Variants in GPR139 observed in about 807,000 individuals in gnomAD.
GPR139 encodes G protein-coupled receptor 139.
In GPR139, 12 loss-of-function variants were observed where a neutral mutation model predicts 25.8. That is an observed-to-expected ratio of 0.47 (90% CI 0.30 to 0.75). The LOEUF is 0.75. Ranked by LOEUF, GPR139 falls within the 30% of genes least tolerant of loss-of-function variation. GPR139 has a pLI of 0.07. For synonymous variants in GPR139, 184 were observed against 179.9 expected, an observed-to-expected ratio of 1.02 and a Z score of -0.18; for missense variants, 380 against 450.2, an observed-to-expected ratio of 0.84 and a Z score of 1.41.
At chr16:20,067,353 G>A (rs528248498) in intron 1 of GPR139, among the ~76,000 whole-genome samples, 17 of 152,142 alleles carry the variant, frequency 1.1e-4, no homozygotes, top group African/African-American at 4.1e-4. Context: ...ATAATAACTC[G>A]GCCAAGGTCA....
At position 20,058,948 on chromosome 16, in the gene GPR139, G is replaced by A. The variant is rs139415540; in HGVS notation, c.127+14542C>T. On this transcript the variant is annotated intron_variant, in intron 1 of 1. Transcript: ENST00000570682. ...CAGCCCTCGAGAGCCCGGCACAGAC[G>A]TCCTTGGTGTCTGAGAACATCATTA... Among the ~76,000 whole-genome samples the A allele has an allele frequency of 2.0e-3, 306 of 152,284 alleles. 3 individuals carry two copies. Among genetic ancestry groups the A allele is most frequent in the African/African-American group, 7.0e-3 (292 of 41,566 alleles).
At chr16:20,037,001 A>G (rs904716206) in intron 1 of GPR139, among the ~76,000 whole-genome samples, 2 of 152,200 alleles carry the variant, frequency 1.3e-5, no homozygotes, top group African/African-American at 2.4e-5. Context: ...CATGGAGTTT[A>G]TAGTATAATG....
chr16:20,051,109 A>G (rs2057370415), intron 1 of GPR139, among the ~76,000 whole-genome samples: 1 of 152,058 alleles, frequency 6.6e-6, no homozygotes, highest in Non-Finnish European at 1.5e-5. Context: ...TAAAGAAAGA[A>G]ACTTATTATT....
chr16:20,038,105 AC>A (rs1220821266), intron 1 of GPR139, among the ~76,000 whole-genome samples: 2 of 151,552 alleles, frequency 1.3e-5, no homozygotes, highest in African/African-American at 4.9e-5. Flanking sequence ...CAAGTGATCC[AC>A]CAGCCTCAGC....
intron 1 of GPR139, among the ~76,000 whole-genome samples, chr16:20,051,658 T>A (rs576204833): frequency 6.6e-6 from 1 of 152,256 alleles, no homozygotes; most frequent in East Asian, 1.9e-4. Flanking sequence ...TATATGGAAA[T>A]GGAAATGGTT....
chr16:20,067,478 G>A (rs1274371265), intron 1 of GPR139, among the ~76,000 whole-genome samples: 2 of 152,274 alleles, frequency 1.3e-5, no homozygotes, highest in Non-Finnish European at 2.9e-5. Flanking sequence ...AGTATACAAA[G>A]GTCAATTAGG....
chr16:20,072,823 C>A (rs2057464444), intron 1 of GPR139, among the ~76,000 whole-genome samples: 2 of 152,182 alleles, frequency 1.3e-5, no homozygotes, highest in Admixed American at 1.3e-4. Context: ...GACTGTGACC[C>A]CCTGAGGTGG....
intron 1 of GPR139, among the ~76,000 whole-genome samples, chr16:20,051,125 C>T (rs1195690838): frequency 1.3e-5 from 2 of 151,848 alleles, no homozygotes; most frequent in East Asian, 3.9e-4. Flanking sequence ...TTATTTTTCC[C>T]CCAAACCACA....
rs1386593301 is a variant in GPR139, at chr16:20,029,608, A to G, written c.*2127T>C. Among the ~76,000 whole-genome samples the G allele has an allele frequency of 6.6e-6, 1 of 152,110 alleles. No individual in the cohort carries two copies. Among genetic ancestry groups the G allele is most frequent in the Non-Finnish European group, 1.5e-5 (1 of 68,020 alleles). On this transcript the variant is annotated 3_prime_UTR_variant, in exon 2 of 2. Coordinates refer to ENST00000570682, the MANE Select transcript of GPR139 (RefSeq NM_001002911.4). Reference sequence around the variant, plus strand: ...ACATGTTCAATTACACGTGCTTGGCAAAAAAGAGACAGAGAGAAATGCAAT... The same window carrying G: ...ACATGTTCAATTACACGTGCTTGGCGAAAAAGAGACAGAGAGAAATGCAAT...
At position 20,028,759 on chromosome 16, in the gene GPR139, G is replaced by A. The variant is rs148402710; in HGVS notation, c.*2976C>T. ...ATAAAAAGACACAGCATGGTGGTGC[G>A]TATCATCATTGCAATGTCCAACCAA... On this transcript the variant is annotated 3_prime_UTR_variant, in exon 2 of 2. Coordinates refer to ENST00000570682, the MANE Select transcript of GPR139 (RefSeq NM_001002911.4). Among the ~76,000 whole-genome samples, 806 of 152,244 alleles carry A rather than the reference G, an allele frequency of 5.3e-3. 5 individuals carry two copies. Among genetic ancestry groups the A allele is most frequent in the South Asian group, 7.9e-3 (38 of 4,822 alleles).
chr16:20,044,200 T>C (rs1034437945), intron 1 of GPR139, among the ~76,000 whole-genome samples: 11 of 152,326 alleles, frequency 7.2e-5, no homozygotes, highest in African/African-American at 2.4e-4. Flanking sequence ...AAAGGCTCAA[T>C]GAGAGGGAAG....
rs2057283521 is a variant in GPR139 at position 20,030,417 on chromosome 16, C to T, written c.*1318G>A. On this transcript the variant is annotated 3_prime_UTR_variant, in exon 2 of 2. Transcript: ENST00000570682. Reference sequence around the variant, plus strand: ...AAGAAAAAAGAAACACTAAATAAGACGAATATAATCATGTGTGTGTGTGTG... The same window carrying T: ...AAGAAAAAAGAAACACTAAATAAGATGAATATAATCATGTGTGTGTGTGTG... Among the ~76,000 whole-genome samples the T allele has an allele frequency of 9.3e-6, 1 of 107,544 alleles. No homozygotes were observed. 70.6% of individuals were successfully genotyped at this position (107,544 alleles called of 152,430 possible).
intron 1 of GPR139, among the ~76,000 whole-genome samples, chr16:20,063,025 A>G (rs1028088592): frequency 2.6e-5 from 4 of 152,234 alleles, no homozygotes; most frequent in South Asian, 2.1e-4. Context: ...CCAAGTATAC[A>G]GTTATTTTCT....
At chr16:20,058,076 A>G (rs549869629) in intron 1 of GPR139, among the ~76,000 whole-genome samples, 1 of 152,344 alleles carries the variant, frequency 6.6e-6, no homozygotes, top group Admixed American at 6.5e-5. Flanking sequence ...TTTTTAAAAA[A>G]GGAACTCTTC....
intron 1 of GPR139, among the ~76,000 whole-genome samples, chr16:20,055,527 A>G (rs899466532): frequency 6.6e-6 from 1 of 152,204 alleles, no homozygotes; most frequent in Admixed American, 6.5e-5. Flanking sequence ...AGTCCACCCG[A>G]TGGAGAATTA....
chr16:20,032,803 A>G (rs764037060), intron 1 of GPR139, 134 bp from the exon 2 acceptor site: 8 of 627,330 alleles, frequency 1.3e-5, no homozygotes, highest in Non-Finnish European at 2.2e-5. Flanking sequence ...TTTGAGGGAC[A>G]ACCTCAGCAT....
intron 1 of GPR139, chr16:20,070,876 G>T: frequency 1.2e-6 from 1 of 863,698 alleles, no homozygotes; most frequent in Non-Finnish European, 1.4e-6. Context: ...GGGAGGTGAT[G>T]GGTGGGGACC....
Position 20,032,284 on chromosome 16 carries a change from A to G in GPR139, c.513T>C (p.Thr171=), listed in dbSNP as rs141137866. 2 of 1,614,118 alleles carry G rather than the reference A, an allele frequency of 1.2e-6. No individual in the cohort carries two copies. The highest frequency in any genetic ancestry group is 1.7e-6 in the Non-Finnish European group (2 of 1,180,044). The part of the protein sequence containing the change: ...IPYYWWPNIW[T]EDYISTSVHH... Reference sequence around the variant, plus strand: ...GCACAGAGGTGCTGATGTAGTCTTCAGTCCAGATGTTGGGCCACCAGTAAT... The same window carrying G: ...GCACAGAGGTGCTGATGTAGTCTTCGGTCCAGATGTTGGGCCACCAGTAAT... Residue 171 remains threonine, a synonymous_variant, in exon 2 of 2, where the codon ACT becomes ACC. Transcript: ENST00000570682.
At position 20,073,746 on chromosome 16, in the gene GPR139, G is replaced by A; in HGVS notation, c.-130C>T. 8.4e-7 allele frequency: 1 copy of A among 1,197,260 alleles called. No homozygotes were observed. The highest frequency in any genetic ancestry group is 1.1e-6 in the Non-Finnish European group (1 of 882,276). 74.2% of individuals were successfully genotyped at this position (1,197,260 alleles called of 1,614,324 possible). On this transcript the variant is annotated 5_prime_UTR_variant, in exon 1 of 2. Transcript: ENST00000570682. The surrounding 1 kb of genome is among the most constrained non-coding windows in gnomAD (Gnocchi z 4.7). ...GCAGCGCCTCTCTCCCCGCAGGACT[G>A]GCTCCTACCCTTGGCCGTGATCCCC...
Sources: gnomAD v4.1 joint callset for allele counts (sites outside exome capture counted in the v4.1 genomes callset) on GRCh38, gnomAD v4.1.1 for gene constraint, Gnocchi (gnomAD v3.1) non-coding constraint, MANE v1.5 for transcripts, NCBI Gene and HGNC (gene_info 2026-07-23, HGNC 2026-07-21) for gene names.